ATP6V0A1: variants seen among roughly 807,000 people sequenced by gnomAD.
The protein encoded by ATP6V0A1 is ATPase H+ transporting V0 subunit a1, also known as V-type proton ATPase 116 kDa subunit a 1.
In ATP6V0A1, 43 loss-of-function variants were observed where a neutral mutation model predicts 105.4. That is an observed-to-expected ratio of 0.41 (90% CI 0.32 to 0.53). The LOEUF (loss-of-function observed/expected upper bound fraction) is 0.53. Among genes scored for constraint, ATP6V0A1 ranks in the 20% least tolerant of loss-of-function variants. The pLI, the probability that ATP6V0A1 is intolerant of heterozygous loss-of-function variation, is 0.30. For synonymous variants in ATP6V0A1, 362 were observed against 372.8 expected, an observed-to-expected ratio of 0.97 and a Z score of 0.33; for missense variants, 676 against 1,051.1, an observed-to-expected ratio of 0.64 and a Z score of 4.93.
intron 5 of ATP6V0A1, among the ~76,000 whole-genome samples, chr17:42,472,554 CT>C (rs71157637): frequency 1 from 151,960 of 151,966 alleles, 75,977 homozygotes; most frequent in East Asian, 1. Flanking sequence ...GAAACCCCGT[CT>C]TCTACTAAAA....
intron 19 of ATP6V0A1, chr17:42,511,086 G>A (rs2146263596): frequency 6.6e-6 from 1 of 152,550 alleles, no homozygotes; most frequent in African/African-American, 2.4e-5. Context: ...TCGTTCCCCA[G>A]GAGAAGGAGT....
intron 14 of ATP6V0A1, among the ~76,000 whole-genome samples, chr17:42,496,786 A>G (rs1447895094): frequency 1.3e-5 from 2 of 152,148 alleles, no homozygotes; most frequent in East Asian, 3.9e-4. Flanking sequence ...CAGTGAGCCC[A>G]GATCGTGCCA....
At chr17:42,513,638 G>T (rs1438722706) in intron 19 of ATP6V0A1, 2 of 555,452 alleles carry the variant, frequency 3.6e-6, no homozygotes, top group South Asian at 2.1e-5. Context: ...GGTGTCCCAG[G>T]TGAGGGCTAA....
Position 42,495,726 on chromosome 17 carries a change from C to T in ATP6V0A1, c.1560+10C>T, listed in dbSNP as rs2091093576. The T allele has an allele frequency of 2.5e-6, 4 of 1,602,812 alleles. No individual in the cohort carries two copies. The highest frequency in any genetic ancestry group is 3.4e-6 in the Non-Finnish European group (4 of 1,169,956). ...TTTTGGCATTGATCCAGTAAGAGGA[C>T]TTCCTTCCTATATGCTAACCTCAAA... On this transcript the variant is annotated intron_variant, in intron 14 of 21. Transcript: ENST00000343619.
At chr17:42,488,442 A>T (rs1410249823) in intron 10 of ATP6V0A1, among the ~76,000 whole-genome samples, 1 of 152,134 alleles carries the variant, frequency 6.6e-6, no homozygotes, top group Non-Finnish European at 1.5e-5. Flanking sequence ...GTAAAGGAAC[A>T]TGATCAAAGC....
rs2087447171 is a variant in ATP6V0A1 at position 42,468,736 on chromosome 17, C to G, written c.294+629C>G. On this transcript the variant is annotated intron_variant, in intron 4 of 21. Transcript: ENST00000343619. ...TTTTATTCTTTTTTTATGGCCAGACCATATGAATCCCCTCTTTTATGGTGA... is the reference window on the plus strand; with the variant it reads ...TTTTATTCTTTTTTTATGGCCAGACGATATGAATCCCCTCTTTTATGGTGA... 2.0e-5 allele frequency among the ~76,000 whole-genome samples: 3 copies of G among 152,142 alleles called. No individual in the cohort carries two copies. The South Asian group carries it at 6.2e-4, about 31-fold the overall frequency.
At position 42,500,580 on chromosome 17, in the gene ATP6V0A1, G is replaced by A. The variant is rs1203187211; in HGVS notation, c.1680-127G>A. On this transcript the variant is annotated intron_variant, in intron 15 of 21. Transcript: ENST00000343619. ...CTGTTGTCTCCAGCTTCTGGTTGCT[G>A]CTGCTTAAAGTGATAAAGACAGAAT... is the stretch of plus-strand genomic sequence containing the variant. 4.2e-6 allele frequency: 3 copies of A among 718,110 alleles called. No individual in the cohort carries two copies. The African/African-American group carries it at 5.3e-5, about 13-fold the overall frequency. The allele number at this position is 718,110 out of a possible 1,614,324, so 44.5% of individuals were successfully genotyped here.
In ATP6V0A1 at chr17:42,462,540, C is replaced by T. The variant is rs970506677; in HGVS notation, c.117+1529C>T. On this transcript the variant is annotated intron_variant, in intron 2 of 21. Coordinates refer to ENST00000343619, the MANE Select transcript of ATP6V0A1 (RefSeq NM_001130021.3). ...GTTCAAGCAATTCTCCTGCCTCAGC[C>T]TCCTGAGTAGCTGGGACTAAAGGCA... Among the ~76,000 whole-genome samples the T allele has an allele frequency of 3.3e-5, 5 of 152,172 alleles. No homozygotes were observed. In the South Asian group the frequency reaches 6.2e-4, roughly 19 times the overall value.
At chr17:42,502,954 G>C (rs1221711214) in intron 17 of ATP6V0A1, 1 of 152,500 alleles carries the variant, frequency 6.6e-6, no homozygotes, top group Non-Finnish European at 1.5e-5. Flanking sequence ...ATTAAATTGA[G>C]AGCATGGGAC....
intron 9 of ATP6V0A1, among the ~76,000 whole-genome samples, chr17:42,484,126 C>T (rs549716766): frequency 3.9e-4 from 59 of 152,156 alleles, no homozygotes; most frequent in African/African-American, 1.3e-3. Flanking sequence ...GGCGCGATCT[C>T]GGCTCACTGC....
At chr17:42,494,716 T>C (rs2090994216) in intron 12 of ATP6V0A1, 3 of 523,146 alleles carry the variant, frequency 5.7e-6, no homozygotes, top group Non-Finnish European at 9.9e-6. Context: ...GAGACCAGCA[T>C]AGGCAACATA....
At chr17:42,468,770 A>T (rs545310520) in intron 4 of ATP6V0A1, among the ~76,000 whole-genome samples, 1 of 152,196 alleles carries the variant, frequency 6.6e-6, no homozygotes, top group Non-Finnish European at 1.5e-5. Context: ...GACAAACAGC[A>T]CTCAAACAGT....
rs925418722 is a variant in ATP6V0A1 at position 42,501,164 on chromosome 17, A to G, written c.1897-33A>G. 1.9e-6 allele frequency: 3 copies of G among 1,546,750 alleles called. No homozygotes were observed. The African/African-American group carries it at 4.1e-5, about 21-fold the overall frequency. On this transcript the variant is annotated intron_variant, in intron 16 of 21. Coordinates refer to ENST00000343619, the MANE Select transcript of ATP6V0A1 (RefSeq NM_001130021.3). ...GCGTATGTGATCGGTAGACTTTTAT[A>G]TGATGTACCTTGTCCTTCTTCTTAC...
intron 4 of ATP6V0A1, 99 bp downstream of exon 4, chr17:42,468,206 G>C: frequency 1.4e-6 from 1 of 696,308 alleles, no homozygotes. Context: ...TGCTAACTTT[G>C]TCAGCATTAT....
intron 7 of ATP6V0A1, 186 bp downstream of exon 7, chr17:42,478,775 T>C (rs1655161396): frequency 2.3e-6 from 1 of 443,036 alleles, no homozygotes; most frequent in East Asian, 4.6e-5. Flanking sequence ...TATGGATGTA[T>C]GATGTATACA....
rs779634614 is a variant in ATP6V0A1 at position 42,468,004 on chromosome 17, T to C, written c.197-6T>C. ...AGACATGAATGTTTTGATTCTGTCATTTTAGGATTTGTTGAGAAAGAGATA... is the reference window on the plus strand; with the variant it reads ...AGACATGAATGTTTTGATTCTGTCACTTTAGGATTTGTTGAGAAAGAGATA... On this transcript the variant is annotated splice_region_variant and splice_polypyrimidine_tract_variant and intron_variant, in intron 3 of 21. Transcript: ENST00000343619. The C allele has an allele frequency of 6.3e-7, 1 of 1,593,556 alleles. No individual in the cohort carries two copies. Among genetic ancestry groups the C allele is most frequent in the Non-Finnish European group, 8.6e-7 (1 of 1,167,536 alleles).
intron 8 of ATP6V0A1, among the ~76,000 whole-genome samples, chr17:42,481,696 G>GA (rs909228065): frequency 1.1e-4 from 16 of 151,248 alleles, no homozygotes; most frequent in African/African-American, 2.4e-5. Context: ...ACTAAAAACT[G>GA]AAAAAAAAGG....
In ATP6V0A1 at chr17:42,483,026, C is replaced by T; in HGVS notation, c.717-12C>T. 2 of 1,447,630 alleles carry T rather than the reference C, an allele frequency of 1.4e-6. No individual in the cohort carries two copies. The highest frequency in any genetic ancestry group is 1.8e-6 in the Non-Finnish European group (2 of 1,088,838). The allele number at this position is 1,447,630 out of a possible 1,614,324, so 89.7% of individuals were successfully genotyped here. A position where few individuals can be genotyped will look rare whatever the true frequency, so the allele number is the denominator to read the frequency against. On this transcript the variant is annotated splice_polypyrimidine_tract_variant and intron_variant, in intron 8 of 21. Transcript: ENST00000343619. ...AGATAAGTTAAGAAACTTCGATGTT[C>T]TTATATTCCAGGTTCCGAGCCTCAC... is the stretch of plus-strand genomic sequence containing the variant.
chr17:42,521,015 C>T lies in ATP6V0A1; in HGVS notation c.2421-12C>T. 6.3e-7 allele frequency: 1 copy of T among 1,578,194 alleles called. No homozygotes were observed. ...TCTATTGAATGACAGCTTTCTTCTT[C>T]TCTTTCTCCAGGGTTGAGTTCCAGA... On this transcript the variant is annotated splice_polypyrimidine_tract_variant and intron_variant, in intron 21 of 21. Transcript: ENST00000343619. This position sits in a 1 kb window ranked among gnomAD's most constrained non-coding sequence, Gnocchi z 4.8.
Sources: allele counts gnomAD v4.1 joint callset (sites outside exome capture counted in the v4.1 genomes callset), GRCh38; gene constraint gnomAD v4.1.1; non-coding constraint Gnocchi (gnomAD v3.1); transcripts MANE v1.5; gene names NCBI Gene and HGNC (gene_info 2026-07-23, HGNC 2026-07-21).